Variants in DENND1A observed in about 807,000 individuals in gnomAD.
DENND1A encodes the protein DENN domain-containing protein 1A.
Under a neutral mutation model 113.7 loss-of-function variants are expected in DENND1A, and 51 were observed. The observed-to-expected ratio is 0.45, with a 90% CI of 0.36 to 0.57. The LOEUF (loss-of-function observed/expected upper bound fraction) is 0.57. Among genes scored for constraint, DENND1A ranks in the 20% least tolerant of loss-of-function variants. The pLI is 0.00. For missense variants in DENND1A, 1,258 were observed against 1,395.9 expected (o/e 0.90, Z 1.57); for synonymous variants, 565 against 570.8 (o/e 0.99, Z 0.14).
chr9:123,423,874 A>G (rs1488287027), intron 19 of DENND1A, among the ~76,000 whole-genome samples: 8 of 152,180 alleles, frequency 5.3e-5, no homozygotes, highest in Non-Finnish European at 1.0e-4. Context: ...GATGTTCTCC[A>G]TCCATCACAG....
chr9:123,481,797 CTTTT>C (rs199644080), intron 13 of DENND1A, among the ~76,000 whole-genome samples: 1 of 138,136 alleles, frequency 7.2e-6, no homozygotes, highest in Non-Finnish European at 1.6e-5. Context: ...TTCTTTCTTT[CTTTT>C]TTTTTTTTTT....
chr9:123,750,673 C>G (rs1253607520), intron 5 of DENND1A, among the ~76,000 whole-genome samples: 1 of 152,200 alleles, frequency 6.6e-6, no homozygotes, highest in Non-Finnish European at 1.5e-5. Flanking sequence ...CAAACAGTTC[C>G]AGAGAGACAG....
At chr9:123,798,725 CA>C (rs59256751) in intron 2 of DENND1A, among the ~76,000 whole-genome samples, 3,058 of 70,000 alleles carry the variant, frequency 0.044, 15 homozygotes, top group Non-Finnish European at 0.052. Flanking sequence ...GTGCTGGAGG[CA>C]AAAAAAAAAA....
At chr9:123,618,181 G>C (rs2060753753) in intron 10 of DENND1A, among the ~76,000 whole-genome samples, 1 of 152,230 alleles carries the variant, frequency 6.6e-6, no homozygotes. Context: ...ACTATCTCCA[G>C]AAGCCCTGCC....
At chr9:123,833,856 C>T (rs1053972740) in intron 2 of DENND1A, among the ~76,000 whole-genome samples, 1 of 152,102 alleles carries the variant, frequency 6.6e-6, no homozygotes, top group African/African-American at 2.4e-5. Context: ...GTCAAGAGAT[C>T]GAGACCATCC....
chr9:123,837,166 TAA>T (rs1841162411), intron 2 of DENND1A, among the ~76,000 whole-genome samples: 1 of 152,238 alleles, frequency 6.6e-6, no homozygotes, highest in African/African-American at 2.4e-5. Context: ...CAACCGAGGA[TAA>T]AGCCTGTGCA....
chr9:123,479,679 T>C (rs2050183735), intron 13 of DENND1A, among the ~76,000 whole-genome samples: 1 of 152,226 alleles, frequency 6.6e-6, no homozygotes, highest in Non-Finnish European at 1.5e-5. Flanking sequence ...TGCCAGAGTT[T>C]TGACTAGATA....
chr9:123,721,721 T>C (rs867143284), intron 5 of DENND1A, among the ~76,000 whole-genome samples: 2 of 152,240 alleles, frequency 1.3e-5, no homozygotes, highest in Non-Finnish European at 2.9e-5. Context: ...CAGCTGTCTT[T>C]ACCTGCTTCC....
chr9:123,409,002 AAG>A (rs1418452077), intron 20 of DENND1A, among the ~76,000 whole-genome samples: 6 of 152,196 alleles, frequency 3.9e-5, no homozygotes, highest in Non-Finnish European at 7.3e-5. Context: ...GTAGAAAACA[AAG>A]AGAGACAGTG....
At chr9:123,722,646 G>A (rs1014128447) in intron 5 of DENND1A, among the ~76,000 whole-genome samples, 1 of 152,246 alleles carries the variant, frequency 6.6e-6, no homozygotes, top group Admixed American at 6.5e-5. Flanking sequence ...TACAGCTCAG[G>A]CTGTTGCTTC....
At chr9:123,914,294 T>G (rs1854640462) in intron 1 of DENND1A, among the ~76,000 whole-genome samples, 2 of 151,780 alleles carry the variant, frequency 1.3e-5, no homozygotes, top group African/African-American at 4.8e-5. Context: ...ATCCCAGCAC[T>G]TTGGGAGGCC....
chr9:123,623,433 A>T (rs941867669), intron 10 of DENND1A, among the ~76,000 whole-genome samples: 2 of 152,220 alleles, frequency 1.3e-5, no homozygotes, highest in Non-Finnish European at 2.9e-5. Flanking sequence ...ACAGAGTTAA[A>T]ACAGATTTTT....
chr9:123,723,782 A>C (rs1180593439), intron 5 of DENND1A, among the ~76,000 whole-genome samples: 2 of 152,180 alleles, frequency 1.3e-5, no homozygotes, highest in Non-Finnish European at 2.9e-5. Context: ...TCTCAGGTAT[A>C]TCTTTATCAG....
At chr9:123,848,816 G>C (rs903503147) in intron 2 of DENND1A, among the ~76,000 whole-genome samples, 2 of 152,304 alleles carry the variant, frequency 1.3e-5, no homozygotes, top group East Asian at 3.9e-4. Context: ...CAGCCTGATT[G>C]CTGATACATG....
intron 10 of DENND1A, among the ~76,000 whole-genome samples, chr9:123,615,292 A>T (rs939126802): frequency 1.3e-5 from 2 of 152,250 alleles, no homozygotes; most frequent in Non-Finnish European, 2.9e-5. Context: ...GGAAAAGCTA[A>T]ATCATTCATC....
chr9:123,468,065 C>T (rs1413826405), intron 13 of DENND1A, among the ~76,000 whole-genome samples: 1 of 152,180 alleles, frequency 6.6e-6, no homozygotes, highest in African/African-American at 2.4e-5. Flanking sequence ...GGTGGACTGT[C>T]CCCAGCACAC....
rs79749877 is a variant in DENND1A at position 123,592,889 on chromosome 9, C to A, written c.766-9619G>T. 7.2e-5 allele frequency among the ~76,000 whole-genome samples: 11 copies of A among 152,208 alleles called. No homozygotes were observed. In the East Asian group the frequency reaches 2.1e-3, roughly 29 times the overall value. ...CACACACAAAAAAATACGGACTTCA[C>A]CAGGTTATTTTGGCAATTAAATGAG... On this transcript the variant is annotated intron_variant, in intron 11 of 23. Transcript: ENST00000394215.
At position 123,817,898 on chromosome 9, in the gene DENND1A, G is replaced by C. The variant is rs543642072; in HGVS notation, c.89-25268C>G. Among the ~76,000 whole-genome samples the C allele has an allele frequency of 2.8e-4, 42 of 151,708 alleles. No individual in the cohort carries two copies. The East Asian group carries it at 8.3e-3, about 30-fold the overall frequency. On this transcript the variant is annotated intron_variant, in intron 2 of 23. Transcript: ENST00000394215. ...AAAAATTAGCCAGGCTTGGTGGCAGGCGCCTGTAATCCCAGCTACTTGGGA... is the reference window on the plus strand; with the variant it reads ...AAAAATTAGCCAGGCTTGGTGGCAGCCGCCTGTAATCCCAGCTACTTGGGA...
chr9:123,835,660 GAAAAAAA>G (rs112937594), intron 2 of DENND1A, among the ~76,000 whole-genome samples: 1 of 111,474 alleles, frequency 9.0e-6, no homozygotes, highest in Non-Finnish European at 1.9e-5. Flanking sequence ...TGATTTCCAG[GAAAAAAA>G]AAAAAAAAAG....
Sources: gnomAD v4.1 joint callset for allele counts (sites outside exome capture counted in the v4.1 genomes callset) on GRCh38, gnomAD v4.1.1 for gene constraint, MANE v1.5 for transcripts, NCBI Gene and HGNC (gene_info 2026-07-23, HGNC 2026-07-21) for gene names.